Variants in DDX41 observed in about 807,000 individuals in gnomAD.
DDX41 encodes the protein DEAD-box helicase 41.
A neutral mutation model predicts 78.8 loss-of-function variants in DDX41; 50 were observed. That is an observed-to-expected ratio of 0.63 (90% confidence interval 0.51 to 0.80). The LOEUF is 0.80. Ranked by LOEUF, DDX41 falls within the 30% of genes least tolerant of loss-of-function variation. The pLI is 0.00. For synonymous variants in DDX41, 381 were observed against 321.5 expected (o/e 1.19, Z -1.98); for missense variants, 633 against 849.2 (o/e 0.75, Z 3.16).
In DDX41 at chr5:177,513,401, C is replaced by T. The variant is rs1404593253; in HGVS notation, c.1182G>A (p.Val394=). Residue 394 remains valine, a synonymous_variant, in exon 11 of 17, where the codon GTG becomes GTA. Transcript: ENST00000330503. This position sits in a 1 kb window ranked among gnomAD's most constrained non-coding sequence, Gnocchi z 4.6. The stretch of plus-strand genomic sequence containing the variant: ...CCCCAGCGCGCCCCACATTGATGGT[C>T]ACAGGCTTTACAAGGGCACTCTTAG... ...NFAKSALVKP[V]TINVGRAGAA... 6.2e-6 allele frequency: 10 copies of T among 1,614,016 alleles called. No individual in the cohort carries two copies. The highest frequency in any genetic ancestry group is 7.6e-6 in the Non-Finnish European group (9 of 1,180,046).
At position 177,514,893 on chromosome 5, in the gene DDX41, C is replaced by T. The variant is rs1761150832; in HGVS notation, c.798+23G>A. On this transcript the variant is annotated intron_variant, in intron 8 of 16. Transcript: ENST00000330503. This position sits in a 1 kb window ranked among gnomAD's most constrained non-coding sequence, Gnocchi z 4.2. ...GATGGCAGCCCCAATCTCTGGCCTG[C>T]CCTCCAGGCCAGCCTATCTTACCGA... 3.7e-6 allele frequency: 6 copies of T among 1,603,078 alleles called. No individual in the cohort carries two copies. The highest frequency in any genetic ancestry group is 4.3e-6 in the Non-Finnish European group (5 of 1,171,356).
chr5:177,516,683 C>T, intron 2 of DDX41, 42 bp downstream of exon 2: 1 of 1,546,920 alleles, frequency 6.5e-7, no homozygotes. Flanking sequence ...CCTGCGACCC[C>T]GCGGTCACGG....
chr5:177,512,931 C>A (rs1313297680), intron 12 of DDX41, 55 bp from the exon 13 acceptor site: 14 of 1,606,710 alleles, frequency 8.7e-6, no homozygotes, highest in Non-Finnish European at 8.5e-6. Flanking sequence ...ACCCACCGCA[C>A]CTCCCCTGGC....
Position 177,516,000 on chromosome 5 carries a change from A to G in DDX41, c.374-11T>C. Reference sequence around the variant, plus strand: ...TCACTGACATCAATGCTGAAGAGAGAGACATGGCTCAGGGCTGGCTCCTGC... The same window carrying G: ...TCACTGACATCAATGCTGAAGAGAGGGACATGGCTCAGGGCTGGCTCCTGC... On this transcript the variant is annotated splice_polypyrimidine_tract_variant and intron_variant, in intron 4 of 16. Coordinates refer to ENST00000330503, the MANE Select transcript of DDX41 (RefSeq NM_016222.4). The G allele has an allele frequency of 3.7e-6, 6 of 1,614,168 alleles. No homozygotes were observed. The highest frequency in any genetic ancestry group is 5.1e-6 in the Non-Finnish European group (6 of 1,180,042).
intron 13 of DDX41, 63 bp from the exon 14 acceptor site, chr5:177,512,708 A>G: frequency 6.2e-7 from 1 of 1,612,990 alleles, no homozygotes; most frequent in Non-Finnish European, 8.5e-7. Flanking sequence ...CAGGCCAACC[A>G]GGCAGGGGAA....
At position 177,513,665 on chromosome 5, in the gene DDX41, T is replaced by C. The variant is rs1292742827; in HGVS notation, c.1098+20A>G. ...CAGTGGGGGGCGGTGCAGGGTGCCC[T>C]GGCCGGGCGGGGGCGGCACCTTGAA... On this transcript the variant is annotated intron_variant, in intron 10 of 16. Transcript: ENST00000330503. The surrounding 1 kb of genome is among the most constrained non-coding windows in gnomAD (Gnocchi z 4.6). 6.2e-7 allele frequency: 1 copy of C among 1,611,894 alleles called. No individual in the cohort carries two copies. Among genetic ancestry groups the C allele is most frequent in the African/African-American group, 1.3e-5 (1 of 74,794 alleles).
Position 177,512,135 on chromosome 5 carries a change from C to T in DDX41, c.1693G>A (p.Val565Met), listed in dbSNP as rs781182074. The change falls in exon 16 of 17, where the codon GTG (valine) becomes ATG (methionine). Residue 565 changes from valine to methionine, a missense_variant. By Grantham distance (21) the Val-to-Met change is conservative. Transcript: ENST00000330503. ...AKQKVPPVLQVLHCGDESMLD... is the reference protein window; with the variant it reads ...AKQKVPPVLQMLHCGDESMLD... ...ATGGACTCATCCCCGCAATGCAGCA[C>T]CTGCAGCACGGGCGGCACCTTCTGC... is the stretch of plus-strand genomic sequence containing the variant. 1.2e-6 allele frequency: 2 copies of T among 1,613,550 alleles called. No homozygotes were observed. The highest frequency in any genetic ancestry group is 1.7e-5 in the Admixed American group (1 of 60,028).
chr5:177,516,114 C>A lies in DDX41; in HGVS notation c.373+5G>T. ...ACCTTCTCACTATCCTGGCTACAACCATACCTCGGCCCTCGGCAACACTCT... is the reference window on the plus strand; with the variant it reads ...ACCTTCTCACTATCCTGGCTACAACAATACCTCGGCCCTCGGCAACACTCT... On this transcript the variant is annotated splice_donor_5th_base_variant and intron_variant, in intron 4 of 16. Transcript: ENST00000330503. 6.2e-7 allele frequency: 1 copy of A among 1,614,066 alleles called. No individual in the cohort carries two copies.
chr5:177,513,581 T>C lies in DDX41; in HGVS notation c.1099-97A>G. 6.2e-7 allele frequency: 1 copy of C among 1,604,134 alleles called. No homozygotes were observed. The highest frequency in any genetic ancestry group is 1.1e-5 in the South Asian group (1 of 90,616). On this transcript the variant is annotated intron_variant, in intron 10 of 16. Coordinates refer to ENST00000330503, the MANE Select transcript of DDX41 (RefSeq NM_016222.4). This position sits in a 1 kb window ranked among gnomAD's most constrained non-coding sequence, Gnocchi z 4.6. Reference sequence around the variant, plus strand: ...AGCAACTGAGACACAGCCCACAAAGTATGAGCAGTGGGTTGGGGTGGCCAG... The same window carrying C: ...AGCAACTGAGACACAGCCCACAAAGCATGAGCAGTGGGTTGGGGTGGCCAG...
intron 6 of DDX41, 63 bp from the exon 7 acceptor site, chr5:177,515,321 T>A: frequency 6.5e-7 from 1 of 1,537,492 alleles, no homozygotes; most frequent in Non-Finnish European, 9.0e-7. Flanking sequence ...CCCCAAAGCC[T>A]GTAAAACTGG....
chr5:177,516,217 C>CA (rs761583170), intron 3 of DDX41, 24 bp from the exon 4 acceptor site: 1 of 1,614,156 alleles, frequency 6.2e-7, no homozygotes, highest in Non-Finnish European at 8.5e-7. Context: ...TGGAAGATGT[C>CA]AGACAGATAC....
intron 12 of DDX41, 43 bp downstream of exon 12, chr5:177,512,968 G>A: frequency 1.6e-5 from 26 of 1,611,126 alleles, no homozygotes; most frequent in Non-Finnish European, 2.1e-5. Flanking sequence ...AGCCCTCCCT[G>A]GTCCTGGGGA....
In DDX41 at chr5:177,512,629, A is replaced by G. The variant is rs1308306624; in HGVS notation, c.1416T>C (p.Thr472=). Reference sequence around the variant, plus strand: ...CCTCCCGGAATGCCTCGATGGCCTTAGTCCGTTCCTCCTGGTCTGGGGAGG... The same window carrying G: ...CCTCCCGGAATGCCTCGATGGCCTTGGTCCGTTCCTCCTGGTCTGGGGAGG... The part of the protein sequence containing the change: ...IHGGKDQEER[T]KAIEAFREGK... Residue 472 remains threonine, a synonymous_variant, in exon 14 of 17, where the codon ACT becomes ACC. Coordinates refer to ENST00000330503, the MANE Select transcript of DDX41 (RefSeq NM_016222.4). 5 of 1,614,066 alleles carry G rather than the reference A, an allele frequency of 3.1e-6. No homozygotes were observed. The highest frequency in any genetic ancestry group is 1.7e-5 in the Admixed American group (1 of 60,022).
chr5:177,515,714 T>C lies in DDX41; in HGVS notation c.542A>G (p.Lys181Arg), dbSNP rs1761194981. Residue 181 changes from lysine (K) to arginine (R), a missense_variant, in exon 6 of 17, where the codon AAG (lysine) becomes AGG (arginine). By Grantham distance (26) the Lys-to-Arg change is conservative. This residue lies in a region of DDX41 where 126 missense variants were observed against 115.5 expected (regional missense o/e 1.09). Coordinates refer to ENST00000330503, the MANE Select transcript of DDX41 (RefSeq NM_016222.4). ...AGGAAACTTCATTTCCTTGAAGCTCTTGATGGGTGGTGGGATACCGTCTCC... is the reference window on the plus strand; with the variant it reads ...AGGAAACTTCATTTCCTTGAAGCTCCTGATGGGTGGTGGGATACCGTCTCC... ...VEGDGIPPPI[K>R]SFKEMKFPAA... 1 of 1,614,002 alleles carries C rather than the reference T, an allele frequency of 6.2e-7. No individual in the cohort carries two copies. The highest frequency in any genetic ancestry group is 1.1e-5 in the South Asian group (1 of 91,084).
Position 177,515,183 on chromosome 5 carries a change from C to A in DDX41, c.644+3G>T. ...GGACCCCAGGTCCACAGTCCACACTCACATGGTGGGGATGCCCTGGATCTG... is the reference window on the plus strand; with the variant it reads ...GGACCCCAGGTCCACAGTCCACACTAACATGGTGGGGATGCCCTGGATCTG... On this transcript the variant is annotated splice_donor_region_variant and intron_variant, in intron 7 of 16. Transcript: ENST00000330503. The A allele has an allele frequency of 3.1e-6, 5 of 1,614,018 alleles. No homozygotes were observed. Among genetic ancestry groups the A allele is most frequent in the Non-Finnish European group, 4.2e-6 (5 of 1,180,018 alleles).
At position 177,515,809 on chromosome 5, in the gene DDX41, G is replaced by T. The variant is rs769254796; in HGVS notation, c.447C>A (p.Pro149=). The T allele has an allele frequency of 2.4e-5, 38 of 1,614,170 alleles. No individual in the cohort carries two copies. Among genetic ancestry groups the T allele is most frequent in the Non-Finnish European group, 3.1e-5 (36 of 1,180,034 alleles). ...CTTCAGACATGCTCAGAACATAACG[G>T]GGTGGAGTCCAGCTGTGGATGGGTA... The part of the protein sequence containing the change: ...DDPIKTSWTP[P]RYVLSMSEER... Residue 149 remains proline (P), a synonymous_variant, in exon 6 of 17, where the codon CCC becomes CCA. Coordinates refer to ENST00000330503, the MANE Select transcript of DDX41 (RefSeq NM_016222.4).
chr5:177,511,784 T>G lies in DDX41; in HGVS notation c.*7A>C. On this transcript the variant is annotated 3_prime_UTR_variant, in exon 17 of 17. Transcript: ENST00000330503. ...AGGCCTCTTGGAGAGAAGGGAAGAC[T>G]GTCGGCTCAGAAGTCCATGGAGCTG... is the stretch of plus-strand genomic sequence containing the variant. 4 of 1,613,954 alleles carry G rather than the reference T, an allele frequency of 2.5e-6. No homozygotes were observed. The highest frequency in any genetic ancestry group is 3.4e-6 in the Non-Finnish European group (4 of 1,179,906).
At position 177,512,863 on chromosome 5, in the gene DDX41, G is replaced by A. The variant is rs751738235; in HGVS notation, c.1316C>T (p.Ala439Val). 1.2e-6 allele frequency: 2 copies of A among 1,613,838 alleles called. No homozygotes were observed. Among genetic ancestry groups the A allele is most frequent in the African/African-American group, 1.3e-5 (1 of 74,930 alleles). ...GGCGTCCACGTCTGCCTTCTTCTCT[G>A]CAAAGATGAGTACCTGTCCGGAAAG... ...QKTPPPVLIF[A>V]EKKADVDAIH... The change falls in exon 13 of 17, where the codon GCA (alanine) becomes GTA (valine). Residue 439 changes from alanine (A) to valine (V), a missense_variant. Around this residue, in one of 6 missense-constraint regions of DDX41, gnomAD observed 185 missense variants for 367.4 expected, o/e 0.50. Transcript: ENST00000330503.
chr5:177,515,436 A>G, intron 6 of DDX41, 178 bp from the exon 7 acceptor site: 1 of 864,616 alleles, frequency 1.2e-6, no homozygotes. Flanking sequence ...CCCACAGGCT[A>G]GGTGCAGCCA....
Sources: allele counts gnomAD v4.1 joint callset, GRCh38; gene constraint gnomAD v4.1.1; regional missense constraint gnomAD v4.1.1; non-coding constraint Gnocchi (gnomAD v3.1); transcripts MANE v1.5; gene names NCBI Gene and HGNC (gene_info 2026-07-23, HGNC 2026-07-21).